Variants in CNIH2 observed in about 807,000 individuals in gnomAD.
CNIH2 encodes the protein protein cornichon homolog 2.
CNIH2 carries 8 observed loss-of-function variants against 22.9 expected under a neutral mutation model. The observed-to-expected ratio is 0.35, with a 90% CI of 0.20 to 0.63. The LOEUF (loss-of-function observed/expected upper bound fraction) is 0.63. Ranked by LOEUF, CNIH2 falls within the 30% of genes least tolerant of loss-of-function variation. CNIH2 has a pLI of 0.72. For synonymous variants in CNIH2, 74 were observed against 78.2 expected (o/e 0.95, Z 0.28); for missense variants, 105 against 206.2 (o/e 0.51, Z 3.01).
chr11:66,282,400 G>A, intron 2 of CNIH2, 73 bp downstream of exon 2: 1 of 658,480 alleles, frequency 1.5e-6, no homozygotes, highest in Non-Finnish European at 2.5e-6. Flanking sequence ...CTGGGGGTGG[G>A]AGACGGGAAG....
At position 66,284,061 on chromosome 11, in the gene CNIH2, C is replaced by T; in HGVS notation, c.*464C>T. Reference sequence around the variant, plus strand: ...CACCCCTAGTCTGCCCTCCCCTCTCCCCCAGGCTCTTTCTCCAGCCCTGTC... The same window carrying T: ...CACCCCTAGTCTGCCCTCCCCTCTCTCCCAGGCTCTTTCTCCAGCCCTGTC... On this transcript the variant is annotated 3_prime_UTR_variant, in exon 6 of 6. Transcript: ENST00000311445. 1 of 189,288 alleles carries T rather than the reference C, an allele frequency of 5.3e-6. No homozygotes were observed. Among genetic ancestry groups the T allele is most frequent in the South Asian group, 9.6e-5 (1 of 10,386 alleles). 11.7% of individuals were successfully genotyped at this position (189,288 alleles called of 1,614,324 possible). A position where few individuals can be genotyped will look rare whatever the true frequency, so the allele number is the denominator to read the frequency against.
At position 66,283,829 on chromosome 11, in the gene CNIH2, C is replaced by G. The variant is rs770497615; in HGVS notation, c.*232C>G. The G allele has an allele frequency of 1.8e-6, 1 of 549,700 alleles. No homozygotes were observed. The highest frequency in any genetic ancestry group is 1.9e-5 in the African/African-American group (1 of 52,790). 34.1% of individuals were successfully genotyped at this position (549,700 alleles called of 1,614,324 possible). A position where few individuals can be genotyped will look rare whatever the true frequency, so the allele number is the denominator to read the frequency against. On this transcript the variant is annotated 3_prime_UTR_variant, in exon 6 of 6. Coordinates refer to ENST00000311445, the MANE Select transcript of CNIH2 (RefSeq NM_182553.3). The stretch of plus-strand genomic sequence containing the variant: ...GCTCTAAACAGGGGCAGGGGCTCCT[C>G]TGCCAGCCTGTGGGCATGGCAGTCA...
chr11:66,282,613 T>A (rs1227364571), intron 2 of CNIH2, 120 bp from the exon 3 acceptor site: 2 of 1,219,266 alleles, frequency 1.6e-6, no homozygotes, highest in African/African-American at 3.0e-5. Flanking sequence ...TTCCCGGCCG[T>A]GCCGACAGTG....
At chr11:66,279,794 G>A (rs1359225465) in intron 1 of CNIH2, among the ~76,000 whole-genome samples, 1 of 152,122 alleles carries the variant, frequency 6.6e-6, no homozygotes, top group African/African-American at 2.4e-5. Context: ...TGTGTGAAGA[G>A]TGAGCCCCCA....
In CNIH2 at chr11:66,283,590, G is replaced by A. The variant is rs866931099; in HGVS notation, c.476G>A (p.Ser159Asn). ...TACAGTATGGTTTATACGTTGGTGA[G>A]TTTCTAAGGGGGAAGCCGGCCAGGG... is the stretch of plus-strand genomic sequence containing the variant. ...YLYSMVYTLV[S>N]F Residue 159 changes from serine to asparagine, a missense_variant, in exon 6 of 6, where the codon AGT becomes AAT. Physicochemically the swap from Ser to Asn is conservative, Grantham distance 46. Coordinates refer to ENST00000311445, the MANE Select transcript of CNIH2 (RefSeq NM_182553.3). The A allele has an allele frequency of 6.3e-7, 1 of 1,578,918 alleles. No individual in the cohort carries two copies. Among genetic ancestry groups the A allele is most frequent in the Non-Finnish European group, 8.6e-7 (1 of 1,161,384 alleles).
chr11:66,281,834 C>G (rs1203790048), intron 1 of CNIH2, among the ~76,000 whole-genome samples: 1 of 152,008 alleles, frequency 6.6e-6, no homozygotes, highest in South Asian at 2.1e-4. Context: ...ACCCCCCACA[C>G]AGGGTTAAGC....
chr11:66,282,636 C>G (rs1857277925), intron 2 of CNIH2, 97 bp from the exon 3 acceptor site: 2 of 1,427,416 alleles, frequency 1.4e-6, no homozygotes, highest in Non-Finnish European at 2.0e-6. Context: ...GCAGAGATCG[C>G]TCTGGCGCCC....
In CNIH2 at chr11:66,278,449, C is replaced by CG; in HGVS notation, c.-3dup. 7.7e-7 allele frequency: 1 copy of CG among 1,302,546 alleles called. No homozygotes were observed. Among genetic ancestry groups the CG allele is most frequent in the African/African-American group, 1.6e-5 (1 of 64,094 alleles). 80.7% of individuals were successfully genotyped at this position (1,302,546 alleles called of 1,614,324 possible). A position where few individuals can be genotyped will look rare whatever the true frequency, so the allele number is the denominator to read the frequency against. On this transcript the variant is annotated 5_prime_UTR_variant, in exon 1 of 6. Transcript: ENST00000311445. ...GCGCCCCCCGGGCCGCCGCCCGGCG[C>CG]GGGGGCCATGGCGTTCACCTTCGCC...
chr11:66,282,429 G>GGGGGGGGGGGGGCGC, intron 2 of CNIH2, 102 bp downstream of exon 2: 1 of 479,466 alleles, frequency 2.1e-6, no homozygotes, highest in African/African-American at 2.0e-5. Flanking sequence ...GGGGTGGGGG[G>GGGGGGGGGGGGGCGC]CCTACGGCCA....
At chr11:66,283,004 G>A in intron 3 of CNIH2, 31 bp from the exon 4 acceptor site, 5 of 1,580,870 alleles carry the variant, frequency 3.2e-6, no homozygotes, top group Non-Finnish European at 4.3e-6. Context: ...CATAGCACCA[G>A]GCCGCTGACC....
chr11:66,282,422 G>GTCT, intron 2 of CNIH2, 95 bp downstream of exon 2: 1 of 1,023,444 alleles, frequency 9.8e-7, no homozygotes, highest in Non-Finnish European at 1.5e-6. Context: ...CGGGGGTGGG[G>GTCT]TGGGGGGCCT....
Position 66,283,248 on chromosome 11 carries a change from G to A in CNIH2, c.312G>A (p.Arg104=). The change falls in exon 5 of 6, where the codon AGG becomes AGA. Residue 104 remains arginine, a splice_region_variant and synonymous_variant. Coordinates refer to ENST00000311445, the MANE Select transcript of CNIH2 (RefSeq NM_182553.3). ...ACACTCAGGCCCCTGTCTGCCCCAG[G>A]TACTTCCACCGTCCTGCAGATGGCT... The part of the protein sequence containing the change: ...NIPLLFYHLW[R]YFHRPADGSE... 2 of 1,613,934 alleles carry A rather than the reference G, an allele frequency of 1.2e-6. No individual in the cohort carries two copies. Among genetic ancestry groups the A allele is most frequent in the Non-Finnish European group, 1.7e-6 (2 of 1,179,970 alleles).
At chr11:66,280,139 C>A (rs866151570) in intron 1 of CNIH2, among the ~76,000 whole-genome samples, 1 of 152,234 alleles carries the variant, frequency 6.6e-6, no homozygotes, top group African/African-American at 2.4e-5. Flanking sequence ...TTATCCACCA[C>A]GCCTGCATTG....
At chr11:66,280,828 G>C (rs1857249236) in intron 1 of CNIH2, among the ~76,000 whole-genome samples, 1 of 152,118 alleles carries the variant, frequency 6.6e-6, no homozygotes, top group South Asian at 2.1e-4. Context: ...CTTTCTCTCT[G>C]AGCCGTCTGG....
chr11:66,283,655 C>T lies in CNIH2; in HGVS notation c.*58C>T. On this transcript the variant is annotated 3_prime_UTR_variant, in exon 6 of 6. Coordinates refer to ENST00000311445, the MANE Select transcript of CNIH2 (RefSeq NM_182553.3). ...GGACCGGACGCCTGTGCACCCCCAG[C>T]CCTGCCCCTTGGCCGCAGAGGCCTC... is the stretch of plus-strand genomic sequence containing the variant. 1.3e-6 allele frequency: 2 copies of T among 1,544,076 alleles called. No individual in the cohort carries two copies. Among genetic ancestry groups the T allele is most frequent in the Non-Finnish European group, 1.8e-6 (2 of 1,141,750 alleles).
intron 2 of CNIH2, 96 bp downstream of exon 2, chr11:66,282,423 T>TGGGGGGCATGGGGGGGGGGGGGG: frequency 6.8e-6 from 1 of 147,070 alleles, no homozygotes; most frequent in Non-Finnish European, 1.3e-5. Context: ...GGGGGTGGGG[T>TGGGGGGCATGGGGGGGGGGGGGG]GGGGGGCCTA....
intron 2 of CNIH2, 23 bp downstream of exon 2, chr11:66,282,350 C>G (rs1443070120): frequency 1.5e-6 from 2 of 1,363,574 alleles, no homozygotes; most frequent in Middle Eastern, 2.1e-4. Flanking sequence ...TGTGCTGTGC[C>G]GAGGTGTGTC....
intron 1 of CNIH2, among the ~76,000 whole-genome samples, chr11:66,280,408 T>A (rs1166388010): frequency 6.6e-6 from 1 of 152,156 alleles, no homozygotes; most frequent in East Asian, 1.9e-4. Context: ...CACATCAGAG[T>A]GCCTAGTGCG....
In CNIH2 at chr11:66,283,674, A is replaced by C; in HGVS notation, c.*77A>C. On this transcript the variant is annotated 3_prime_UTR_variant, in exon 6 of 6. Coordinates refer to ENST00000311445, the MANE Select transcript of CNIH2 (RefSeq NM_182553.3). ...CCCCAGCCCTGCCCCTTGGCCGCAGAGGCCTCAGCCCTGGGGAGGGAGGGG... is the reference window on the plus strand; with the variant it reads ...CCCCAGCCCTGCCCCTTGGCCGCAGCGGCCTCAGCCCTGGGGAGGGAGGGG... The C allele has an allele frequency of 6.6e-7, 1 of 1,505,742 alleles. No individual in the cohort carries two copies. The highest frequency in any genetic ancestry group is 9.0e-7 in the Non-Finnish European group (1 of 1,109,742). The allele number at this position is 1,505,742 out of a possible 1,614,324, so 93.3% of individuals were successfully genotyped here.
Sources: allele counts gnomAD v4.1 joint callset (sites outside exome capture counted in the v4.1 genomes callset), GRCh38; gene constraint gnomAD v4.1.1; transcripts MANE v1.5; gene names NCBI Gene and HGNC (gene_info 2026-07-23, HGNC 2026-07-21).